Variants in MCC observed in about 807,000 individuals in gnomAD.
MCC encodes MCC regulator of Wnt signaling pathway, also known as colorectal mutant cancer protein.
Under a neutral mutation model 116.2 loss-of-function variants are expected in MCC, and 90 were observed. That is an observed-to-expected ratio of 0.77 (90% CI 0.65 to 0.92). MCC has a LOEUF of 0.92. MCC is among the 40% of genes least tolerant of loss of function. MCC has a pLI of 0.00. For missense variants in MCC, 1,516 were observed against 1,312.2 expected, an observed-to-expected ratio of 1.16 and a Z score of -2.40; for synonymous variants, 578 against 510.5, an observed-to-expected ratio of 1.13 and a Z score of -1.78.
At chr5:113,397,305 T>C (rs1243163101) in intron 1 of MCC, among the ~76,000 whole-genome samples, 2 of 152,214 alleles carry the variant, frequency 1.3e-5, no homozygotes, top group Non-Finnish European at 2.9e-5. Flanking sequence ...TGGCATGACG[T>C]TGAGCCCATG....
chr5:113,093,452 T>C (rs1030056367), intron 8 of MCC, among the ~76,000 whole-genome samples: 1 of 150,484 alleles, frequency 6.6e-6, no homozygotes, highest in African/African-American at 2.5e-5. Flanking sequence ...ATATCTATCT[T>C]ATCTATCTAT....
chr5:113,150,162 T>C (rs1366231283), intron 4 of MCC, among the ~76,000 whole-genome samples: 1 of 152,004 alleles, frequency 6.6e-6, no homozygotes, highest in Admixed American at 6.6e-5. Context: ...AAGGTCCAGA[T>C]AAAAGCAGGT....
chr5:113,198,645 A>G (rs561206076), intron 3 of MCC, among the ~76,000 whole-genome samples: 13 of 150,684 alleles, frequency 8.6e-5, no homozygotes, highest in Non-Finnish European at 1.6e-4. Flanking sequence ...TTGAGGCTGT[A>G]GAGAGCAGTG....
At chr5:113,204,779 T>TAC (rs1762838242) in intron 3 of MCC, among the ~76,000 whole-genome samples, 2 of 152,258 alleles carry the variant, frequency 1.3e-5, no homozygotes, top group South Asian at 4.1e-4. Context: ...CTGATCATAT[T>TAC]ACCTTTTGCC....
intron 17 of MCC, among the ~76,000 whole-genome samples, chr5:113,041,945 C>T (rs781293841): frequency 3.2e-4 from 49 of 152,088 alleles, no homozygotes; most frequent in Non-Finnish European, 3.2e-4. Flanking sequence ...TGCAGTGAGC[C>T]GAGATCGCAC....
At chr5:113,209,563 G>C (rs1581255568) in intron 3 of MCC, among the ~76,000 whole-genome samples, 1 of 152,156 alleles carries the variant, frequency 6.6e-6, no homozygotes, top group Non-Finnish European at 1.5e-5. Flanking sequence ...TAATTTTATT[G>C]TAAAGACCCA....
At chr5:113,277,560 A>G (rs1473560712) in intron 3 of MCC, among the ~76,000 whole-genome samples, 1 of 152,154 alleles carries the variant, frequency 6.6e-6, no homozygotes, top group Non-Finnish European at 1.5e-5. Context: ...AACTAATTAA[A>G]TTTTTCTTAA....
chr5:113,165,381 A>G (rs1274869251), intron 3 of MCC, among the ~76,000 whole-genome samples: 2 of 152,248 alleles, frequency 1.3e-5, no homozygotes, highest in African/African-American at 4.8e-5. Flanking sequence ...TACAAGAAAC[A>G]CCAACATTGT....
chr5:113,293,096 G>A (rs1205342646), intron 3 of MCC, among the ~76,000 whole-genome samples: 1 of 152,056 alleles, frequency 6.6e-6, no homozygotes, highest in Non-Finnish European at 1.5e-5. Context: ...ATTTCAAACC[G>A]GAGCAGGAAC....
chr5:113,271,769 A>G (rs1765627519), intron 3 of MCC, among the ~76,000 whole-genome samples: 1 of 152,200 alleles, frequency 6.6e-6, no homozygotes, highest in African/African-American at 2.4e-5. Flanking sequence ...TCAGAAAAGG[A>G]TGAGTCTGTC....
chr5:113,079,502 C>T (rs551807832), intron 11 of MCC, among the ~76,000 whole-genome samples: 37 of 152,228 alleles, frequency 2.4e-4, no homozygotes, highest in Middle Eastern at 3.4e-3. Context: ...GAAATAATAC[C>T]GCACATCTAC....
chr5:113,042,305 C>CAAAAAA (rs59401267), intron 17 of MCC, among the ~76,000 whole-genome samples: 29 of 89,478 alleles, frequency 3.2e-4, no homozygotes, highest in African/African-American at 7.9e-4. Context: ...GACCCTGTCT[C>CAAAAAA]AAAAAAAAAA....
intron 14 of MCC, among the ~76,000 whole-genome samples, chr5:113,062,438 G>T (rs79611058): frequency 0.013 from 1,936 of 152,232 alleles, 56 homozygotes; most frequent in African/African-American, 0.044. Flanking sequence ...TCTTTTTGGG[G>T]GTAGGGAGGT....
chr5:113,488,150 T>C (rs1405158005), intron 1 of MCC, 95 bp downstream of exon 1: 8 of 1,287,392 alleles, frequency 6.2e-6, no homozygotes, highest in Non-Finnish European at 5.1e-6. Context: ...CTGAGCAACT[T>C]GCCGCAAGTT....
chr5:113,148,530 T>C (rs1033020533), intron 4 of MCC, among the ~76,000 whole-genome samples: 1 of 152,242 alleles, frequency 6.6e-6, no homozygotes, highest in South Asian at 2.1e-4. Flanking sequence ...GGCACTATAA[T>C]ATTTAGAGAG....
At chr5:113,143,177 T>G in intron 5 of MCC, 41 bp downstream of exon 5, 3 of 1,547,372 alleles carry the variant, frequency 1.9e-6, no homozygotes, top group Non-Finnish European at 2.6e-6. Flanking sequence ...ATGGAGGGTT[T>G]AGCAGAAGGG....
At chr5:113,114,435 G>C (rs1469367092) in intron 6 of MCC, among the ~76,000 whole-genome samples, 1 of 152,210 alleles carries the variant, frequency 6.6e-6, no homozygotes, top group Non-Finnish European at 1.5e-5. Context: ...ACAGGGACAG[G>C]AGGCAGAGAA....
At chr5:113,318,264 A>G (rs1490413880) in intron 3 of MCC, among the ~76,000 whole-genome samples, 2 of 152,172 alleles carry the variant, frequency 1.3e-5, no homozygotes, top group East Asian at 3.9e-4. Context: ...CAATTTCCCC[A>G]AAGTCACAAA....
chr5:113,110,155 A>C (rs538458012), intron 6 of MCC, among the ~76,000 whole-genome samples: 5 of 152,206 alleles, frequency 3.3e-5, no homozygotes, highest in African/African-American at 9.6e-5. Context: ...CATCCAGGAG[A>C]CAGAGAGGAG....
Sources: gnomAD v4.1 joint callset for allele counts (sites outside exome capture counted in the v4.1 genomes callset) on GRCh38, gnomAD v4.1.1 for gene constraint, MANE v1.5 for transcripts, NCBI Gene and HGNC (gene_info 2026-07-23, HGNC 2026-07-21) for gene names.